UNC13C: variants seen among roughly 807,000 people sequenced by gnomAD.
The protein encoded by UNC13C is protein unc-13 homolog C.
UNC13C carries 174 observed loss-of-function variants against 245.4 expected under a neutral mutation model. The observed-to-expected ratio is 0.71, with a 90% confidence interval of 0.63 to 0.80. UNC13C has a LOEUF of 0.80. Among genes scored for constraint, UNC13C ranks in the 30% least tolerant of loss-of-function variants. The probability of loss-of-function intolerance (pLI) is 0.00; values close to 1 mark genes in which losing one functional copy is unlikely to be tolerated. For synonymous variants in UNC13C, 992 were observed against 895.1 expected (o/e 1.11, Z -1.93); for missense variants, 2,829 against 2,602.9 (o/e 1.09, Z -1.89).
At chr15:53,965,467 T>G in the UNC13C span, among the ~76,000 whole-genome samples, 1 of 151,934 alleles carries the variant, frequency 6.6e-6, no homozygotes, top group Non-Finnish European at 1.5e-5. Context: ...CTCTCTCCTT[T>G]TAATCAGAAT....
intron 17 of UNC13C, among the ~76,000 whole-genome samples, chr15:54,353,562 T>C (rs1444787396): frequency 6.6e-6 from 1 of 152,212 alleles, no homozygotes; most frequent in Non-Finnish European, 1.5e-5. Context: ...ATCACTTTCG[T>C]TGGGCTTCTG....
chr15:53,995,945 G>A (rs1359666216), intron 1 of UNC13C, among the ~76,000 whole-genome samples: 2 of 152,186 alleles, frequency 1.3e-5, no homozygotes, highest in African/African-American at 4.8e-5. Context: ...TGCAGTAGCT[G>A]GAGGAGGTAA....
intron 10 of UNC13C, among the ~76,000 whole-genome samples, chr15:54,271,083 T>C (rs553236280): frequency 6.6e-6 from 1 of 152,302 alleles, no homozygotes; most frequent in Non-Finnish European, 1.5e-5. Flanking sequence ...TATCTTACTT[T>C]AAAACAAAGA....
Position 54,526,558 on chromosome 15 carries a change from C to T in UNC13C, c.5546+921C>T, listed in dbSNP as rs541418235. On this transcript the variant is annotated intron_variant, in intron 25 of 32. Coordinates refer to ENST00000260323, the MANE Select transcript of UNC13C (RefSeq NM_001080534.3). ...CATCCTGGCTAATACAGTGAAACCC[C>T]GTCTCTACTAAAAGTATAAAACAAA... is the stretch of plus-strand genomic sequence containing the variant. Among the ~76,000 whole-genome samples the T allele has an allele frequency of 7.9e-5, 12 of 151,616 alleles. No individual in the cohort carries two copies. In the South Asian group the frequency reaches 1.9e-3, roughly 24 times the overall value.
In UNC13C at chr15:54,197,095, A is replaced by C. The variant is rs572525658; in HGVS notation, c.3072-37935A>C. 2.6e-5 allele frequency among the ~76,000 whole-genome samples: 4 copies of C among 152,306 alleles called. No homozygotes were observed. In the South Asian group the frequency reaches 8.3e-4, roughly 32 times the overall value. On this transcript the variant is annotated intron_variant, in intron 4 of 32. Transcript: ENST00000260323. ...GAAAAATTAAAGGTATAACATTTGG[A>C]AAATAGAAAACAAAACTTTCATTAT... is the stretch of plus-strand genomic sequence containing the variant.
intron 2 of UNC13C, among the ~76,000 whole-genome samples, chr15:54,045,056 A>G (rs1896974714): frequency 6.6e-6 from 1 of 152,124 alleles, no homozygotes; most frequent in Non-Finnish European, 1.5e-5. Flanking sequence ...CGTCCTTTGA[A>G]ACACAAAAAT....
chr15:54,490,802 A>C (rs1011174366), intron 19 of UNC13C, among the ~76,000 whole-genome samples: 3 of 152,188 alleles, frequency 2.0e-5, no homozygotes, highest in Non-Finnish European at 4.4e-5. Flanking sequence ...GGACATGCAC[A>C]CATCTTAAAT....
intron 19 of UNC13C, among the ~76,000 whole-genome samples, chr15:54,433,690 C>G (rs2040919498): frequency 6.6e-6 from 1 of 152,066 alleles, no homozygotes; most frequent in Non-Finnish European, 1.5e-5. Flanking sequence ...AGAAGGCCCT[C>G]TCTCACCGCT....
At chr15:53,875,286 C>T in the UNC13C span, among the ~76,000 whole-genome samples, 1 of 152,120 alleles carries the variant, frequency 6.6e-6, no homozygotes, top group South Asian at 2.1e-4. Context: ...CTTACTATGC[C>T]ATCCTGGGGT....
the UNC13C span, among the ~76,000 whole-genome samples, chr15:53,930,562 A>G: frequency 1.3e-5 from 2 of 152,138 alleles, no homozygotes; most frequent in Admixed American, 1.3e-4. Flanking sequence ...AAATCTGAAT[A>G]CACAAACTAA....
chr15:53,898,195 A>AACC, the UNC13C span, among the ~76,000 whole-genome samples: 8 of 132,094 alleles, frequency 6.1e-5, no homozygotes, highest in African/African-American at 2.1e-4. Context: ...TGACCACCAC[A>AACC]ACCACCACCA....
intron 29 of UNC13C, among the ~76,000 whole-genome samples, chr15:54,566,893 T>A (rs1309129668): frequency 6.6e-6 from 1 of 152,152 alleles, no homozygotes; most frequent in Non-Finnish European, 1.5e-5. Context: ...TAGATCACAG[T>A]GAGCCACAGT....
chr15:54,303,153 A>G (rs934880824), intron 13 of UNC13C, among the ~76,000 whole-genome samples: 8 of 152,160 alleles, frequency 5.3e-5, no homozygotes, highest in Non-Finnish European at 8.8e-5. Flanking sequence ...ATCCACATCC[A>G]GTAATAGGGA....
intron 2 of UNC13C, among the ~76,000 whole-genome samples, chr15:54,069,008 T>G (rs1354873041): frequency 6.6e-6 from 1 of 152,184 alleles, no homozygotes; most frequent in African/African-American, 2.4e-5. Context: ...TAGCACATCT[T>G]AAATAATTCT....
At chr15:54,453,126 GCA>G (rs1470054043) in intron 19 of UNC13C, among the ~76,000 whole-genome samples, 1 of 152,150 alleles carries the variant, frequency 6.6e-6, no homozygotes, top group Non-Finnish European at 1.5e-5. Context: ...CAATGCCATT[GCA>G]CAGTCTCCAG....
At chr15:54,448,745 C>A (rs1890980055) in intron 19 of UNC13C, among the ~76,000 whole-genome samples, 1 of 152,120 alleles carries the variant, frequency 6.6e-6, no homozygotes, top group Non-Finnish European at 1.5e-5. Flanking sequence ...CAGTCTGTGT[C>A]TTTTAATTGG....
At chr15:54,213,059 C>T (rs1238510553) in intron 4 of UNC13C, among the ~76,000 whole-genome samples, 1 of 151,818 alleles carries the variant, frequency 6.6e-6, no homozygotes. Context: ...CTTCAAACCC[C>T]GAGGCAGAAA....
chr15:53,976,021 T>A (rs1893683132), upstream of UNC13C, among the ~76,000 whole-genome samples: 1 of 152,220 alleles, frequency 6.6e-6, no homozygotes, highest in Non-Finnish European at 1.5e-5. Flanking sequence ...TGTTGAAATC[T>A]CATCGTTGTA....
chr15:54,395,157 A>G (rs1030776502), intron 18 of UNC13C, among the ~76,000 whole-genome samples: 13 of 151,754 alleles, frequency 8.6e-5, no homozygotes, highest in Non-Finnish European at 1.8e-4. Flanking sequence ...TTTTTTTCAC[A>G]TACTGAAGAT....
Sources: allele counts gnomAD v4.1 joint callset (sites outside exome capture counted in the v4.1 genomes callset), GRCh38; gene constraint gnomAD v4.1.1; transcripts MANE v1.5; gene names NCBI Gene and HGNC (gene_info 2026-07-23, HGNC 2026-07-21).